The following VSTM2L variants were observed in gnomAD, a reference collection of about 807,000 sequenced individuals.
VSTM2L encodes V-set and transmembrane domain-containing protein 2-like protein.
VSTM2L carries 9 observed loss-of-function variants against 19.9 expected under a neutral mutation model. The ratio of observed to expected loss-of-function variants is 0.45; its 90% confidence interval spans 0.27 to 0.79. The LOEUF is 0.79. Ranked by LOEUF, VSTM2L falls within the 30% of genes least tolerant of loss-of-function variation. VSTM2L has a pLI of 0.15. For synonymous variants in VSTM2L, 127 were observed against 133.8 expected (o/e 0.95, Z 0.35); for missense variants, 286 against 295.5 (o/e 0.97, Z 0.24).
At chr20:37,904,002 A>G (rs893033446) in intron 1 of VSTM2L, among the ~76,000 whole-genome samples, 6 of 152,048 alleles carry the variant, frequency 3.9e-5, no homozygotes, top group African/African-American at 7.2e-5. Flanking sequence ...CAATTTGCTC[A>G]CCCACTCCTC....
intron 2 of VSTM2L, among the ~76,000 whole-genome samples, chr20:37,932,243 C>T (rs553702869): frequency 6.2e-4 from 94 of 152,300 alleles, no homozygotes; most frequent in Non-Finnish European, 1.0e-3. Context: ...CACACGCATA[C>T]GTGCACCAGG....
intron 1 of VSTM2L, among the ~76,000 whole-genome samples, chr20:37,920,544 T>C (rs2072844390): frequency 6.6e-6 from 1 of 152,250 alleles, no homozygotes; most frequent in South Asian, 2.1e-4. Context: ...CCAGCCTGCC[T>C]GTCAGTCTGG....
chr20:37,940,810 C>A (rs1268005305), intron 3 of VSTM2L, among the ~76,000 whole-genome samples: 2 of 152,220 alleles, frequency 1.3e-5, no homozygotes, highest in Non-Finnish European at 2.9e-5. Context: ...GCATGTCTTA[C>A]GTGTTGGCAG....
intron 1 of VSTM2L, among the ~76,000 whole-genome samples, chr20:37,922,327 C>T (rs893521300): frequency 2.0e-5 from 3 of 152,126 alleles, no homozygotes; most frequent in African/African-American, 7.2e-5. Flanking sequence ...CTATTTGCGG[C>T]GTGTGTCAGA....
intron 3 of VSTM2L, among the ~76,000 whole-genome samples, chr20:37,942,450 C>G (rs2072977813): frequency 6.6e-6 from 1 of 152,222 alleles, no homozygotes; most frequent in Non-Finnish European, 1.5e-5. Flanking sequence ...CCACTGCACT[C>G]CAGCCTGGGT....
intron 3 of VSTM2L, among the ~76,000 whole-genome samples, chr20:37,942,261 C>T (rs549443484): frequency 2.0e-5 from 3 of 152,260 alleles, no homozygotes; most frequent in South Asian, 2.1e-4. Flanking sequence ...GTGGGTTGAT[C>T]ACTTGAGGCC....
At chr20:37,921,219 C>T (rs149822435) in intron 1 of VSTM2L, among the ~76,000 whole-genome samples, 1 of 152,308 alleles carries the variant, frequency 6.6e-6, no homozygotes, top group African/African-American at 2.4e-5. Flanking sequence ...CAGAGGACTA[C>T]CTGTGAGTCA....
At chr20:37,921,585 T>A (rs1486671067) in intron 1 of VSTM2L, among the ~76,000 whole-genome samples, 4 of 152,144 alleles carry the variant, frequency 2.6e-5, no homozygotes, top group African/African-American at 9.7e-5. Context: ...AATCTCCATC[T>A]TCAATTCTAG....
chr20:37,941,434 T>G (rs1055626070), intron 3 of VSTM2L, among the ~76,000 whole-genome samples: 2 of 150,490 alleles, frequency 1.3e-5, no homozygotes, highest in African/African-American at 4.9e-5. Context: ...CCCATTGGGG[T>G]GTTGACGAAA....
intron 3 of VSTM2L, among the ~76,000 whole-genome samples, chr20:37,935,884 A>AT (rs11086387): frequency 0.14 from 19,732 of 138,222 alleles, 1,562 homozygotes; most frequent in Middle Eastern, 0.25. Context: ...CCATACACAG[A>AT]TTTTTTTTTT....
At chr20:37,915,838 C>T (rs2072815480) in intron 1 of VSTM2L, among the ~76,000 whole-genome samples, 1 of 152,148 alleles carries the variant, frequency 6.6e-6, no homozygotes, top group South Asian at 2.1e-4. Flanking sequence ...TGGGCACCCT[C>T]AGAGCCTCTG....
intron 1 of VSTM2L, among the ~76,000 whole-genome samples, chr20:37,922,776 C>T (rs897714035): frequency 6.6e-6 from 1 of 152,174 alleles, no homozygotes; most frequent in Admixed American, 6.5e-5. Flanking sequence ...GAGCTGGGGG[C>T]TGCCTGTGCT....
intron 1 of VSTM2L, among the ~76,000 whole-genome samples, chr20:37,929,147 C>A (rs763050190): frequency 3.3e-5 from 5 of 152,082 alleles, no homozygotes; most frequent in Non-Finnish European, 7.4e-5. Flanking sequence ...GGACTTTGAG[C>A]AGGGTCCTGT....
chr20:37,933,477 C>A, intron 2 of VSTM2L, 62 bp from the exon 3 acceptor site: 4 of 1,252,020 alleles, frequency 3.2e-6, no homozygotes, highest in Admixed American at 1.9e-5. Flanking sequence ...CACTGCCACC[C>A]CACCCCCACC....
At chr20:37,933,482 C>A in intron 2 of VSTM2L, 57 bp from the exon 3 acceptor site, 3 of 1,366,412 alleles carry the variant, frequency 2.2e-6, no homozygotes, top group South Asian at 2.4e-5. Context: ...CCACCCCACC[C>A]CCACCCTGTG....
At chr20:37,927,369 C>A (rs1318159588) in intron 1 of VSTM2L, among the ~76,000 whole-genome samples, 1 of 151,772 alleles carries the variant, frequency 6.6e-6, no homozygotes, top group Non-Finnish European at 1.5e-5. Context: ...TTTTACTTTC[C>A]TTTCATGTGG....
intron 3 of VSTM2L, among the ~76,000 whole-genome samples, chr20:37,937,839 C>G (rs867561908): frequency 6.6e-6 from 1 of 152,150 alleles, no homozygotes; most frequent in Admixed American, 6.5e-5. Context: ...GCCTGGGGGG[C>G]CAGGAGGGCT....
intron 1 of VSTM2L, among the ~76,000 whole-genome samples, chr20:37,915,816 C>G (rs374468137): frequency 6.6e-6 from 1 of 152,254 alleles, no homozygotes; most frequent in Admixed American, 6.5e-5. Context: ...GGGCCACCAC[C>G]ACCCTACCCA....
chr20:37,904,489 G>A (rs544334608), intron 1 of VSTM2L, among the ~76,000 whole-genome samples: 1 of 152,368 alleles, frequency 6.6e-6, no homozygotes, highest in African/African-American at 2.4e-5. Context: ...GAGTTGGACT[G>A]TATGAGCCCG....
Sources: gnomAD v4.1 joint callset for allele counts (sites outside exome capture counted in the v4.1 genomes callset) on GRCh38, gnomAD v4.1.1 for gene constraint, MANE v1.5 for transcripts, NCBI Gene and HGNC (gene_info 2026-07-23, HGNC 2026-07-21) for gene names.